The following DENND5A variants were observed in gnomAD, a reference collection of about 807,000 sequenced individuals.
DENND5A encodes the protein DENN domain containing 5A, also known as DENN domain-containing protein 5A.
A neutral mutation model predicts 140.3 loss-of-function variants in DENND5A; 64 were observed. The observed-to-expected ratio is 0.46, with a 90% confidence interval of 0.37 to 0.56. DENND5A has a LOEUF of 0.56. Among genes scored for constraint, DENND5A ranks in the 20% least tolerant of loss-of-function variants. The pLI, the probability that DENND5A is intolerant of heterozygous loss-of-function variation, is 0.00. For synonymous variants in DENND5A, 605 were observed against 607.7 expected (o/e 1.00, Z 0.07); for missense variants, 1,292 against 1,593.8 (o/e 0.81, Z 3.22).
chr11:9,150,047 G>T, intron 15 of DENND5A, 34 bp downstream of exon 15: 3 of 1,588,380 alleles, frequency 1.9e-6, no homozygotes, highest in Non-Finnish European at 2.6e-6. Context: ...CCATTCCTGG[G>T]AGCCTGCTTC....
chr11:9,215,326 G>A (rs1251122881), intron 1 of DENND5A, among the ~76,000 whole-genome samples: 1 of 152,198 alleles, frequency 6.6e-6, no homozygotes, highest in African/African-American at 2.4e-5. Context: ...AGAGAGACTA[G>A]GTTTGAGAGC....
chr11:9,162,406 A>C (rs1848018053), intron 11 of DENND5A, among the ~76,000 whole-genome samples: 1 of 150,486 alleles, frequency 6.6e-6, no homozygotes, highest in African/African-American at 2.4e-5. Flanking sequence ...CGCCTGGCTA[A>C]TTTTGTATTT....
rs1564906603 is a variant in DENND5A at position 9,191,550 on chromosome 11, T to C, written c.1137+1944A>G. Among the ~76,000 whole-genome samples the C allele has an allele frequency of 2.0e-5, 3 of 152,146 alleles. No individual in the cohort carries two copies. In the South Asian group the frequency reaches 6.2e-4, roughly 32 times the overall value. ...CCACCGCACCCGGCCAACTTTTGGG[T>C]TTCTTAAACAACCCATGGTTTCTTA... On this transcript the variant is annotated intron_variant, in intron 5 of 22. Coordinates refer to ENST00000328194, the MANE Select transcript of DENND5A (RefSeq NM_015213.4).
intron 1 of DENND5A, among the ~76,000 whole-genome samples, chr11:9,246,503 T>C (rs1262340588): frequency 6.6e-6 from 1 of 150,566 alleles, no homozygotes; most frequent in Non-Finnish European, 1.5e-5. Flanking sequence ...TCCCAGCTAC[T>C]CAGGAGGCTG....
At chr11:9,200,903 T>A (rs1332212119) in intron 4 of DENND5A, among the ~76,000 whole-genome samples, 2 of 152,222 alleles carry the variant, frequency 1.3e-5, no homozygotes, top group Admixed American at 1.3e-4. Flanking sequence ...TTGAGCACCC[T>A]TATATACCAG....
intron 1 of DENND5A, 74 bp from the exon 2 acceptor site, chr11:9,207,706 T>C: frequency 9.6e-7 from 1 of 1,045,014 alleles, no homozygotes; most frequent in Non-Finnish European, 1.5e-6. Flanking sequence ...ATTATTCCAG[T>C]ACAAATTACA....
At position 9,178,923 on chromosome 11, in the gene DENND5A, T is replaced by C. The variant is rs756491585; in HGVS notation, c.1606A>G (p.Ile536Val). The C allele has an allele frequency of 6.2e-7, 1 of 1,614,162 alleles. No homozygotes were observed. The highest frequency in any genetic ancestry group is 2.2e-5 in the East Asian group (1 of 44,872). ...GATTCCTTATCCTGGCTGGGTTGGA[T>C]GACAAACACCTCATAATCTGCAAAC... The part of the protein sequence containing the change: ...QMFADYEVFV[I>V]QPSQDKESWF... The change falls in exon 7 of 23, where the codon ATC becomes GTC. Residue 536 changes from isoleucine to valine, a missense_variant. Transcript: ENST00000328194.
At chr11:9,221,744 TTTGTTGTTG>T (rs71062815) in intron 1 of DENND5A, among the ~76,000 whole-genome samples, 4 of 151,300 alleles carry the variant, frequency 2.6e-5, no homozygotes, top group Admixed American at 1.3e-4. Context: ...AATTGAGAAT[TTTGTTGTTG>T]TTGTTGTTGT....
At chr11:9,249,832 G>A (rs931845626) in intron 1 of DENND5A, among the ~76,000 whole-genome samples, 1 of 152,020 alleles carries the variant, frequency 6.6e-6, no homozygotes, top group Admixed American at 6.6e-5. Flanking sequence ...TTACAGGCAT[G>A]AGCCACCGTG....
intron 4 of DENND5A, among the ~76,000 whole-genome samples, chr11:9,196,454 T>C (rs779485748): frequency 1.5e-4 from 23 of 152,110 alleles, no homozygotes; most frequent in Non-Finnish European, 2.6e-4. Flanking sequence ...TACACGGCTA[T>C]ATCTACAAGT....
intron 5 of DENND5A, among the ~76,000 whole-genome samples, chr11:9,183,062 A>T (rs1427333102): frequency 3.9e-5 from 6 of 152,240 alleles, no homozygotes; most frequent in African/African-American, 1.4e-4. Context: ...GTCAATAAAA[A>T]TGTGTGTGTA....
intron 5 of DENND5A, among the ~76,000 whole-genome samples, chr11:9,183,911 C>A (rs539912226): frequency 1.8e-4 from 27 of 152,140 alleles, no homozygotes; most frequent in African/African-American, 5.8e-4. Context: ...TGAGGCCGGG[C>A]GCCGTGGCTC....
intron 8 of DENND5A, chr11:9,171,819 C>T (rs1246078898): frequency 1.3e-5 from 2 of 151,938 alleles, no homozygotes; most frequent in Non-Finnish European, 2.9e-5. Flanking sequence ...GCTATAATTA[C>T]ACTACCGCAC....
chr11:9,221,811 A>G (rs1486480353), intron 1 of DENND5A, among the ~76,000 whole-genome samples: 5 of 152,024 alleles, frequency 3.3e-5, no homozygotes. Context: ...AGGCCGGAGT[A>G]CAGTGGTGCG....
chr11:9,251,773 A>T (rs1317942506), intron 1 of DENND5A, among the ~76,000 whole-genome samples: 1 of 151,594 alleles, frequency 6.6e-6, no homozygotes, highest in Admixed American at 6.6e-5. Flanking sequence ...GCGGATTCCG[A>T]GGTCAGGAGA....
chr11:9,189,699 G>A (rs1485996944), intron 5 of DENND5A, among the ~76,000 whole-genome samples: 2 of 151,506 alleles, frequency 1.3e-5, no homozygotes, highest in Non-Finnish European at 2.9e-5. Context: ...AGAGTGCAAT[G>A]GCACAATCTC....
In DENND5A at chr11:9,178,918, T is replaced by G; in HGVS notation, c.1611A>C (p.Gln537His). 2 of 1,614,156 alleles carry G rather than the reference T, an allele frequency of 1.2e-6. No individual in the cohort carries two copies. Among genetic ancestry groups the G allele is most frequent in the East Asian group, 2.2e-5 (1 of 44,872 alleles). ...MFADYEVFVI[Q>H]PSQDKESWFT... ...ACCAGGATTCCTTATCCTGGCTGGG[T>G]TGGATGACAAACACCTCATAATCTG... The change falls in exon 7 of 23, where the codon CAA (glutamine) becomes CAC (histidine). Residue 537 changes from glutamine (Q) to histidine (H), a missense_variant. By Grantham distance (24) the Gln-to-His change is conservative. Coordinates refer to ENST00000328194, the MANE Select transcript of DENND5A (RefSeq NM_015213.4).
chr11:9,145,055 T>C lies in DENND5A; in HGVS notation c.3062A>G (p.Tyr1021Cys), dbSNP rs767896984. 3.7e-5 allele frequency: 60 copies of C among 1,614,074 alleles called. No homozygotes were observed. Among genetic ancestry groups the C allele is most frequent in the Non-Finnish European group, 4.8e-5 (57 of 1,180,030 alleles). ...VQIGHDNSGL[Y>C]AKWLVEYVMV... Reference sequence around the variant, plus strand: ...CACATACTCCACCAGCCATTTGGCATACAGCCCAGAGTTATCATGGCCAAT... The same window carrying C: ...CACATACTCCACCAGCCATTTGGCACACAGCCCAGAGTTATCATGGCCAAT... Residue 1021 changes from tyrosine (Y) to cysteine (C), a missense_variant, in exon 18 of 23, where the codon TAT becomes TGT. Physicochemically the swap from Tyr to Cys is radical, Grantham distance 194. Transcript: ENST00000328194.
At chr11:9,140,600 T>C (rs1185230710) in intron 22 of DENND5A, among the ~76,000 whole-genome samples, 1 of 152,176 alleles carries the variant, frequency 6.6e-6, no homozygotes, top group Non-Finnish European at 1.5e-5. Context: ...GAAAAGAATC[T>C]TTCTCTGTCC....
Sources: gnomAD v4.1 joint callset for allele counts (sites outside exome capture counted in the v4.1 genomes callset) on GRCh38, gnomAD v4.1.1 for gene constraint, MANE v1.5 for transcripts, NCBI Gene and HGNC (gene_info 2026-07-23, HGNC 2026-07-21) for gene names.